Variants in NMNAT1 observed in about 807,000 individuals in gnomAD.
NMNAT1 encodes nicotinamide nucleotide adenylyltransferase 1, also known as nicotinamide/nicotinic acid mononucleotide adenylyltransferase 1.
Under a neutral mutation model 16.7 loss-of-function variants are expected in NMNAT1, and 11 were observed. That is an observed-to-expected ratio of 0.66 (90% CI 0.41 to 1.09). The LOEUF is 1.09. Among genes scored for constraint, NMNAT1 ranks in the 50% least tolerant of loss-of-function variants. NMNAT1 has a pLI of 0.00. For missense variants in NMNAT1, 280 were observed against 332.3 expected, an observed-to-expected ratio of 0.84 and a Z score of 1.22; for synonymous variants, 110 against 119.8, an observed-to-expected ratio of 0.92 and a Z score of 0.53.
chr1:9,955,578 C>G (rs545752223), intron 1 of NMNAT1, among the ~76,000 whole-genome samples: 10 of 152,202 alleles, frequency 6.6e-5, no homozygotes, highest in Admixed American at 5.2e-4. Flanking sequence ...GCCCTCCAGC[C>G]TGGGCAAAAA....
intron 1 of NMNAT1, among the ~76,000 whole-genome samples, chr1:9,959,140 G>A (rs2101661006): frequency 6.6e-6 from 1 of 152,244 alleles, no homozygotes; most frequent in East Asian, 1.9e-4. Context: ...GGGAAGCCGA[G>A]GCAGGTGGAT....
intron 1 of NMNAT1, among the ~76,000 whole-genome samples, chr1:9,951,061 C>T (rs1641095773): frequency 1.3e-5 from 2 of 149,858 alleles, no homozygotes; most frequent in African/African-American, 4.9e-5. Flanking sequence ...TGCACTCCAG[C>T]TTAAGCAACA....
chr1:9,994,224 C>T, the NMNAT1 span, among the ~76,000 whole-genome samples: 2 of 149,374 alleles, frequency 1.3e-5, no homozygotes, highest in Non-Finnish European at 3.0e-5. Flanking sequence ...GATTCTCCTG[C>T]CTCAGCCTCT....
intron 1 of NMNAT1, among the ~76,000 whole-genome samples, chr1:9,966,193 G>A (rs1406487742): frequency 6.6e-6 from 1 of 150,704 alleles, no homozygotes; most frequent in Non-Finnish European, 1.5e-5. Context: ...CAGCTACTTG[G>A]GAGGCTGAGG....
intron 1 of NMNAT1, among the ~76,000 whole-genome samples, chr1:9,962,350 T>C (rs925563395): frequency 6.6e-5 from 10 of 151,272 alleles, no homozygotes; most frequent in East Asian, 2.0e-4. Flanking sequence ...GGCGTAGTGG[T>C]GGGCGCCTGC....
chr1:9,965,301 G>A (rs1641517928), intron 1 of NMNAT1, among the ~76,000 whole-genome samples: 1 of 135,078 alleles, frequency 7.4e-6, no homozygotes, highest in Non-Finnish European at 1.5e-5. Flanking sequence ...TGGCAACAGA[G>A]CGAGACTCCA....
At chr1:9,943,008 C>A, upstream of NMNAT1, 1 of 332,122 alleles carries the variant, frequency 3.0e-6, no homozygotes, top group Non-Finnish European at 6.0e-6. Flanking sequence ...TGGCGTCAAA[C>A]CCAGAGGCTT....
intron 2 of NMNAT1, among the ~76,000 whole-genome samples, chr1:9,974,052 G>A (rs968410600): frequency 6.6e-6 from 1 of 152,086 alleles, no homozygotes; most frequent in Non-Finnish European, 1.5e-5. Flanking sequence ...TGACCAGGCT[G>A]CTCTTGAACT....
chr1:9,962,922 C>T (rs1359036805), intron 1 of NMNAT1, among the ~76,000 whole-genome samples: 1 of 152,094 alleles, frequency 6.6e-6, no homozygotes, highest in Non-Finnish European at 1.5e-5. Flanking sequence ...ACCTCGTGAT[C>T]CGCCCGTCTC....
chr1:9,962,064 G>A (rs533700973), intron 1 of NMNAT1, among the ~76,000 whole-genome samples: 83 of 151,864 alleles, frequency 5.5e-4, no homozygotes, highest in African/African-American at 1.8e-3. Flanking sequence ...TACCGCGCCC[G>A]GACCCCAAGT....
intron 1 of NMNAT1, among the ~76,000 whole-genome samples, chr1:9,956,731 CTTT>C (rs1269404630): frequency 2.5e-5 from 3 of 119,372 alleles, no homozygotes; most frequent in Admixed American, 8.8e-5. Flanking sequence ...CCTTGTTTAC[CTTT>C]TTTTTTTTTT....
the NMNAT1 span, among the ~76,000 whole-genome samples, chr1:9,990,557 ACTAATCCAGGT>A: frequency 9.2e-5 from 14 of 152,340 alleles, no homozygotes; most frequent in East Asian, 2.7e-3. Context: ...TTAGCCTGAT[ACTAATCCAGGT>A]CTACCTTCAG....
chr1:9,993,890 C>T, the NMNAT1 span, among the ~76,000 whole-genome samples: 15 of 152,070 alleles, frequency 9.9e-5, no homozygotes, highest in African/African-American at 2.4e-4. Flanking sequence ...CAAGTGGAGA[C>T]GTCAAGTAGG....
At chr1:9,963,502 C>A (rs1346264695) in intron 1 of NMNAT1, among the ~76,000 whole-genome samples, 1 of 151,888 alleles carries the variant, frequency 6.6e-6, no homozygotes, top group Admixed American at 6.6e-5. Context: ...CTCCATCTCC[C>A]GGGTTCAAAC....
chr1:9,965,947 C>T (rs1486806161), intron 1 of NMNAT1, among the ~76,000 whole-genome samples: 1 of 151,516 alleles, frequency 6.6e-6, no homozygotes, highest in Admixed American at 6.6e-5. Flanking sequence ...GTGATCATGC[C>T]ATTGGACTCC....
intron 1 of NMNAT1, among the ~76,000 whole-genome samples, chr1:9,970,400 A>G (rs747488232): frequency 2.6e-5 from 4 of 152,102 alleles, no homozygotes; most frequent in Non-Finnish European, 4.4e-5. Flanking sequence ...AATTAGTTGA[A>G]TAAGAAATTT....
chr1:9,981,141 A>C lies in NMNAT1; in HGVS notation c.410A>C (p.Gln137Pro). ...TGGACTGAAACACAAGATTCTAGTCAAAAGAAATCCCTAGAGCCAAAAACA... is the reference window on the plus strand; with the variant it reads ...TGGACTGAAACACAAGATTCTAGTCCAAAGAAATCCCTAGAGCCAAAAACA... ...RKWTETQDSS[Q>P]KKSLEPKTKA... Residue 137 changes from glutamine to proline, a missense_variant, in exon 4 of 5, where the codon CAA becomes CCA. Coordinates refer to ENST00000377205, the MANE Select transcript of NMNAT1 (RefSeq NM_022787.4). 1 of 1,613,388 alleles carries C rather than the reference A, an allele frequency of 6.2e-7. No individual in the cohort carries two copies. The highest frequency in any genetic ancestry group is 2.2e-5 in the East Asian group (1 of 44,870).
intron 4 of NMNAT1, 26 bp downstream of exon 4, chr1:9,981,196 G>T: frequency 2.5e-6 from 4 of 1,592,546 alleles, no homozygotes; most frequent in South Asian, 2.3e-5. Context: ...CAGGACCCAC[G>T]GACTAGAGTT....
At chr1:9,972,998 T>C (rs985295386) in intron 2 of NMNAT1, among the ~76,000 whole-genome samples, 2 of 152,224 alleles carry the variant, frequency 1.3e-5, no homozygotes, top group African/African-American at 4.8e-5. Flanking sequence ...CTGTCATGCC[T>C]GTGCTTAATC....
Sources: gnomAD v4.1 joint callset for allele counts (sites outside exome capture counted in the v4.1 genomes callset) on GRCh38, gnomAD v4.1.1 for gene constraint, MANE v1.5 for transcripts, NCBI Gene and HGNC (gene_info 2026-07-23, HGNC 2026-07-21) for gene names.